ZNF341: variants seen among roughly 807,000 people sequenced by gnomAD.
ZNF341 encodes the protein zinc finger protein 341.
A neutral mutation model predicts 87.7 loss-of-function variants in ZNF341; 52 were observed. The observed-to-expected ratio is 0.59, with a 90% CI of 0.47 to 0.75. ZNF341 has a LOEUF of 0.75. Ranked by LOEUF, ZNF341 falls within the 30% of genes least tolerant of loss-of-function variation. The pLI, the probability that ZNF341 is intolerant of heterozygous loss-of-function variation, is 0.00. For synonymous variants in ZNF341, 459 were observed against 472.7 expected (o/e 0.97, Z 0.38); for missense variants, 977 against 1,145.9 (o/e 0.85, Z 2.13).
At chr20:33,762,676 C>T (rs575222686) in intron 8 of ZNF341, among the ~76,000 whole-genome samples, 1 of 152,228 alleles carries the variant, frequency 6.6e-6, no homozygotes, top group East Asian at 1.9e-4. Flanking sequence ...CTAAGGCTCT[C>T]TCTCCCCTTG....
At chr20:33,777,116 C>A (rs1478802085) in intron 10 of ZNF341, among the ~76,000 whole-genome samples, 2 of 140,644 alleles carry the variant, frequency 1.4e-5, no homozygotes, top group Non-Finnish European at 3.0e-5. Context: ...AAGTTTGAGA[C>A]CAACCTGGAC....
chr20:33,750,584 C>T (rs998604463), intron 4 of ZNF341, among the ~76,000 whole-genome samples: 1 of 152,122 alleles, frequency 6.6e-6, no homozygotes, highest in Non-Finnish European at 1.5e-5. Context: ...CCTGCTCAGC[C>T]TCCTGAGGAG....
chr20:33,750,380 C>T (rs115885525), intron 4 of ZNF341, among the ~76,000 whole-genome samples: 2,163 of 152,178 alleles, frequency 0.014, 55 homozygotes, highest in African/African-American at 0.048. Context: ...TTTTCTCAAC[C>T]GAGACTTTTT....
intron 7 of ZNF341, 113 bp downstream of exon 7, chr20:33,758,919 C>G: frequency 1.1e-6 from 1 of 870,236 alleles, no homozygotes; most frequent in South Asian, 1.5e-5. Context: ...CCAGGCTGCA[C>G]TTGCATGTTC....
At chr20:33,788,807 G>A in intron 12 of ZNF341, 56 bp from the exon 13 acceptor site, 2 of 1,492,024 alleles carry the variant, frequency 1.3e-6, no homozygotes, top group Non-Finnish European at 1.9e-6. Context: ...GGACCCTTGT[G>A]CCCTGGATGC....
chr20:33,746,228 C>CTTTTTTTTTTTTTTTT lies in ZNF341; in HGVS notation c.339+936_339+951dup, dbSNP rs34461652. 4.0e-4 allele frequency among the ~76,000 whole-genome samples: 42 copies of CTTTTTTTTTTTTTTTT among 104,108 alleles called. 1 individual carries two copies. Among genetic ancestry groups the CTTTTTTTTTTTTTTTT allele is most frequent in the African/African-American group, 2.0e-3 (42 of 20,736 alleles). 68.3% of individuals were successfully genotyped at this position (104,108 alleles called of 152,430 possible). On this transcript the variant is annotated intron_variant, in intron 3 of 14. Transcript: ENST00000375200. The stretch of plus-strand genomic sequence containing the variant: ...ACAGGCGTGAGCCACCGCGCCCGGC[C>CTTTTTTTTTTTTTTTT]TTTTTTTTTTTTTTTTTTTTTTGAG...
intron 2 of ZNF341, 99 bp from the exon 3 acceptor site, chr20:33,745,004 G>A: frequency 2.7e-6 from 3 of 1,110,622 alleles, no homozygotes; most frequent in South Asian, 1.5e-5. Flanking sequence ...CAGTTCTCCT[G>A]TCTCATACTG....
At chr20:33,737,784 G>C (rs2018723037) in intron 1 of ZNF341, among the ~76,000 whole-genome samples, 1 of 152,070 alleles carries the variant, frequency 6.6e-6, no homozygotes, top group African/African-American at 2.4e-5. Flanking sequence ...GGAGCCATTG[G>C]TTGTCAGAAA....
At chr20:33,788,427 A>AT (rs1568596158) in intron 12 of ZNF341, 3 of 207,086 alleles carry the variant, frequency 1.4e-5, no homozygotes, top group African/African-American at 2.3e-5. Flanking sequence ...TGTCTCAAAA[A>AT]AAATAAATAA....
intron 10 of ZNF341, among the ~76,000 whole-genome samples, chr20:33,771,292 C>T (rs1396170005): frequency 6.6e-6 from 1 of 151,488 alleles, no homozygotes; most frequent in Non-Finnish European, 1.5e-5. Flanking sequence ...GCTCTGTTGC[C>T]CAGGTTGGAG....
intron 3 of ZNF341, among the ~76,000 whole-genome samples, chr20:33,746,228 CTT>C (rs34461652): frequency 6.7e-5 from 7 of 104,088 alleles, no homozygotes; most frequent in African/African-American, 3.4e-4. Context: ...CGCGCCCGGC[CTT>C]TTTTTTTTTT....
At chr20:33,736,041 G>A (rs1027616356) in intron 1 of ZNF341, among the ~76,000 whole-genome samples, 1 of 149,236 alleles carries the variant, frequency 6.7e-6, no homozygotes, top group African/African-American at 2.5e-5. Context: ...GTATTCCATA[G>A]TATGGCTATT....
At chr20:33,764,688 C>T (rs1279894401) in intron 8 of ZNF341, among the ~76,000 whole-genome samples, 1 of 142,892 alleles carries the variant, frequency 7.0e-6, no homozygotes, top group East Asian at 2.1e-4. Context: ...GATATATTAA[C>T]ATTATTATTT....
intron 11 of ZNF341, among the ~76,000 whole-genome samples, chr20:33,783,011 G>A (rs1260405789): frequency 1.3e-5 from 2 of 152,010 alleles, no homozygotes; most frequent in Non-Finnish European, 2.9e-5. Flanking sequence ...AAAATTAGCC[G>A]GGAGTGGTGG....
At chr20:33,787,412 A>G (rs1228168712) in intron 12 of ZNF341, 2 of 152,126 alleles carry the variant, frequency 1.3e-5, no homozygotes, top group Non-Finnish European at 2.9e-5. Context: ...AGAGCATTCT[A>G]TTGTAGGGAC....
intron 1 of ZNF341, among the ~76,000 whole-genome samples, chr20:33,734,061 T>C (rs984791710): frequency 4.6e-5 from 7 of 152,228 alleles, no homozygotes; most frequent in African/African-American, 1.7e-4. Flanking sequence ...GTTTGTGTAT[T>C]GAGTAATGAA....
Position 33,753,433 on chromosome 20 carries a change from G to T in ZNF341, c.741+10G>T, listed in dbSNP as rs926943028. ...CTACCCACCCCTAGAGGTGAGCAGA[G>T]GGGGCAGGGTGGAAGAGGACACTGG... On this transcript the variant is annotated intron_variant, in intron 5 of 14. Coordinates refer to ENST00000375200, the MANE Select transcript of ZNF341 (RefSeq NM_001282933.2). 6.3e-7 allele frequency: 1 copy of T among 1,582,318 alleles called. No individual in the cohort carries two copies. The highest frequency in any genetic ancestry group is 1.3e-5 in the African/African-American group (1 of 74,256).
intron 2 of ZNF341, among the ~76,000 whole-genome samples, chr20:33,743,073 C>T (rs1254363739): frequency 3.3e-5 from 5 of 150,992 alleles, no homozygotes; most frequent in Non-Finnish European, 5.9e-5. Context: ...CTCATGTTGC[C>T]CAGGCTGGAG....
At chr20:33,738,165 G>A (rs374838756) in intron 1 of ZNF341, among the ~76,000 whole-genome samples, 41 of 151,708 alleles carry the variant, frequency 2.7e-4, no homozygotes, top group Non-Finnish European at 5.4e-4. Flanking sequence ...TTGGCCAGGC[G>A]TGGTGGCTCA....
Sources: allele counts gnomAD v4.1 joint callset (sites outside exome capture counted in the v4.1 genomes callset), GRCh38; gene constraint gnomAD v4.1.1; transcripts MANE v1.5; gene names NCBI Gene and HGNC (gene_info 2026-07-23, HGNC 2026-07-21).